The following IREB2 variants were observed in gnomAD, a reference collection of about 807,000 sequenced individuals.
IREB2 encodes the protein iron-responsive element-binding protein 2.
A neutral mutation model predicts 118.8 loss-of-function variants in IREB2; 39 were observed. The ratio of observed to expected loss-of-function variants is 0.33; its 90% CI spans 0.25 to 0.43. The LOEUF is 0.43. Among genes scored for constraint, IREB2 ranks in the 20% least tolerant of loss-of-function variants. IREB2 has a pLI of 1.00. For synonymous variants in IREB2, 372 were observed against 392.2 expected (o/e 0.95, Z 0.61); for missense variants, 900 against 1,147.3 (o/e 0.78, Z 3.11).
chr15:78,466,526 G>A lies in IREB2; in HGVS notation c.629+37G>A, dbSNP rs763012552. 5 of 1,397,778 alleles carry A rather than the reference G, an allele frequency of 3.6e-6. No individual in the cohort carries two copies. In the South Asian group the frequency reaches 4.7e-5, roughly 13 times the overall value. The allele number at this position is 1,397,778 out of a possible 1,614,324, so 86.6% of individuals were successfully genotyped here. A position where few individuals can be genotyped will look rare whatever the true frequency, so the allele number is the denominator to read the frequency against. On this transcript the variant is annotated intron_variant, in intron 5 of 21. Transcript: ENST00000258886. ...TTTTTCTTAAAGTTTATTAATACCA[G>A]GTTATTTTCCAGTTAAGAAAATCAA...
intron 13 of IREB2, among the ~76,000 whole-genome samples, chr15:78,486,540 G>A (rs2051662829): frequency 6.6e-6 from 1 of 152,194 alleles, no homozygotes; most frequent in Non-Finnish European, 1.5e-5. Flanking sequence ...GGGAAGCGGA[G>A]GTTGCAGTGA....
chr15:78,450,771 T>C (rs2051010312), intron 2 of IREB2, among the ~76,000 whole-genome samples: 1 of 151,870 alleles, frequency 6.6e-6, no homozygotes, highest in Non-Finnish European at 1.5e-5. Flanking sequence ...AGTGTACAGC[T>C]ATGTAGGAAC....
intron 6 of IREB2, among the ~76,000 whole-genome samples, chr15:78,471,367 T>G (rs1354083667): frequency 2.0e-5 from 3 of 152,212 alleles, no homozygotes; most frequent in Admixed American, 1.3e-4. Context: ...TCAAATGAAA[T>G]CTTAATTGGA....
intron 2 of IREB2, among the ~76,000 whole-genome samples, chr15:78,452,677 C>T (rs368740504): frequency 1.3e-5 from 2 of 152,016 alleles, no homozygotes; most frequent in East Asian, 1.9e-4. Flanking sequence ...GAGGCTGAGG[C>T]GGGAGGATCT....
At chr15:78,477,123 C>A (rs1411738490) in intron 9 of IREB2, among the ~76,000 whole-genome samples, 1 of 152,144 alleles carries the variant, frequency 6.6e-6, no homozygotes, top group South Asian at 2.1e-4. Context: ...ATGATCCCCC[C>A]AAGTGCAAAA....
At chr15:78,467,291 A>C (rs1414298963) in intron 5 of IREB2, among the ~76,000 whole-genome samples, 1 of 152,200 alleles carries the variant, frequency 6.6e-6, no homozygotes, top group Non-Finnish European at 1.5e-5. Flanking sequence ...CTTCTAAATA[A>C]GTGATTTCCT....
intron 1 of IREB2, among the ~76,000 whole-genome samples, chr15:78,439,134 C>T (rs890391662): frequency 1.3e-5 from 2 of 152,138 alleles, no homozygotes; most frequent in Non-Finnish European, 2.9e-5. Flanking sequence ...TAAATGAGAC[C>T]TCTGGATCTT....
chr15:78,493,696 G>C (rs1302217629), intron 18 of IREB2, among the ~76,000 whole-genome samples: 2 of 151,028 alleles, frequency 1.3e-5, no homozygotes, highest in African/African-American at 2.4e-5. Context: ...TCTCAGTTTT[G>C]CTTCAAAATA....
At chr15:78,478,262 A>T in intron 9 of IREB2, 35 bp from the exon 10 acceptor site, 1 of 1,297,162 alleles carries the variant, frequency 7.7e-7, no homozygotes, top group African/African-American at 1.5e-5. Context: ...TAAATTTCTC[A>T]CTGCATTTTG....
rs774386256 is a variant in IREB2, at chr15:78,470,616, G to A, written c.699+15G>A. On this transcript the variant is annotated intron_variant, in intron 6 of 21. Coordinates refer to ENST00000258886, the MANE Select transcript of IREB2 (RefSeq NM_004136.4). ...AGTTTTTTAAGGTATAAATGATTCAGGGAAATTTTTGTATTGTAATATATA... is the reference window on the plus strand; with the variant it reads ...AGTTTTTTAAGGTATAAATGATTCAAGGAAATTTTTGTATTGTAATATATA... 6.7e-7 allele frequency: 1 copy of A among 1,493,632 alleles called. No individual in the cohort carries two copies. Among genetic ancestry groups the A allele is most frequent in the South Asian group, 1.3e-5 (1 of 78,300 alleles). The allele number at this position is 1,493,632 out of a possible 1,614,324, so 92.5% of individuals were successfully genotyped here.
intron 9 of IREB2, 87 bp from the exon 10 acceptor site, chr15:78,478,210 G>T: frequency 2.3e-6 from 2 of 873,700 alleles, no homozygotes; most frequent in Non-Finnish European, 1.9e-6. Context: ...CTCCAGCCTG[G>T]GCAACAAAGT....
intron 2 of IREB2, among the ~76,000 whole-genome samples, chr15:78,448,489 T>G (rs967943695): frequency 1.1e-4 from 16 of 151,932 alleles, no homozygotes; most frequent in African/African-American, 3.9e-4. Flanking sequence ...GGTCAGAATT[T>G]ATTTATTTAT....
In IREB2 at chr15:78,465,370, A is replaced by G. The variant is rs2141478914; in HGVS notation, c.392A>G (p.Gln131Arg). The part of the protein sequence containing the change: ...PTDLTVDHSL[Q>R]IDFSKCAIQN... ...GATCTTACAGTTGACCATTCTTTAC[A>G]AATTGACTTCAGTAAATGGTACTTC... Residue 131 changes from glutamine to arginine, a missense_variant, in exon 4 of 22, where the codon CAA becomes CGA. Physicochemically the swap from Gln to Arg is conservative, Grantham distance 43. Coordinates refer to ENST00000258886, the MANE Select transcript of IREB2 (RefSeq NM_004136.4). 6.2e-7 allele frequency: 1 copy of G among 1,611,668 alleles called. No homozygotes were observed. The highest frequency in any genetic ancestry group is 1.1e-5 in the South Asian group (1 of 90,324).
At chr15:78,446,609 A>C (rs988893713) in intron 2 of IREB2, among the ~76,000 whole-genome samples, 6 of 152,114 alleles carry the variant, frequency 3.9e-5, no homozygotes, top group African/African-American at 1.4e-4. Context: ...CACTTTGTAC[A>C]TGGCCTCAAA....
chr15:78,472,789 A>G (rs564496742), intron 7 of IREB2, among the ~76,000 whole-genome samples: 7 of 152,208 alleles, frequency 4.6e-5, no homozygotes, highest in Non-Finnish European at 8.8e-5. Context: ...GGCCTCAGTT[A>G]TCTTCTGAAA....
chr15:78,438,293 TC>T lies in IREB2; in HGVS notation c.-40del. On this transcript the variant is annotated 5_prime_UTR_variant, in exon 1 of 22. Coordinates refer to ENST00000258886, the MANE Select transcript of IREB2 (RefSeq NM_004136.4). ...CTTCCCTGCCCGGCCTCCCCCTTCTTCCCCCGCTGGCCCCCTCCCCGGAGGG... is the reference window on the plus strand; with the variant it reads ...CTTCCCTGCCCGGCCTCCCCCTTCTTCCCCGCTGGCCCCCTCCCCGGAGGG... The T allele has an allele frequency of 6.5e-7, 1 of 1,545,728 alleles. No individual in the cohort carries two copies. Among genetic ancestry groups the T allele is most frequent in the Non-Finnish European group, 8.8e-7 (1 of 1,136,534 alleles).
At chr15:78,459,337 TTTG>T (rs1436701108) in intron 2 of IREB2, among the ~76,000 whole-genome samples, 1 of 139,874 alleles carries the variant, frequency 7.1e-6, no homozygotes, top group Non-Finnish European at 1.7e-5. Context: ...TTTTTGTTTG[TTTG>T]TTTTGGTTTT....
chr15:78,443,656 TG>T (rs1479139624), intron 2 of IREB2, among the ~76,000 whole-genome samples: 1 of 152,086 alleles, frequency 6.6e-6, no homozygotes, highest in Non-Finnish European at 1.5e-5. Flanking sequence ...TATTTTGTTT[TG>T]TTTTTTTGAG....
At chr15:78,464,220 G>T (rs116201254) in intron 3 of IREB2, among the ~76,000 whole-genome samples, 7 of 152,130 alleles carry the variant, frequency 4.6e-5, no homozygotes, top group African/African-American at 1.7e-4. Context: ...ATGTTAAGTC[G>T]TATTATCCCT....
Sources: gnomAD v4.1 joint callset for allele counts (sites outside exome capture counted in the v4.1 genomes callset) on GRCh38, gnomAD v4.1.1 for gene constraint, MANE v1.5 for transcripts, NCBI Gene and HGNC (gene_info 2026-07-23, HGNC 2026-07-21) for gene names.